EPB41L4A: variants seen among roughly 807,000 people sequenced by gnomAD.
The protein encoded by EPB41L4A is band 4.1-like protein 4A.
A neutral mutation model predicts 108.6 loss-of-function variants in EPB41L4A; 100 were observed. That is an observed-to-expected ratio of 0.92 (90% confidence interval 0.78 to 1.09). The LOEUF is 1.09. Ranked by LOEUF, EPB41L4A falls within the 50% of genes least tolerant of loss-of-function variation. The pLI is 0.00. For synonymous variants in EPB41L4A, 319 were observed against 289.0 expected (o/e 1.10, Z -1.05); for missense variants, 1,030 against 842.7 (o/e 1.22, Z -2.75).
chr5:112,351,407 G>C (rs1057292872), intron 1 of EPB41L4A, among the ~76,000 whole-genome samples: 1 of 152,154 alleles, frequency 6.6e-6, no homozygotes, highest in Non-Finnish European at 1.5e-5. Flanking sequence ...AACCCCCCAA[G>C]ACTGACGTAC....
intron 12 of EPB41L4A, among the ~76,000 whole-genome samples, chr5:112,148,721 A>AT (rs1247004428): frequency 2.6e-5 from 4 of 151,960 alleles, no homozygotes; most frequent in Non-Finnish European, 4.4e-5. Flanking sequence ...TTCTATCGTG[A>AT]TTTTTTCCAT....
rs1560058 is a variant in EPB41L4A, at chr5:112,184,043, T to C, written c.1595A>G (p.Asn532Ser). The C allele has an allele frequency of 0.7, 1,130,042 of 1,613,528 alleles. 400,058 individuals are homozygous for C. The highest frequency in any genetic ancestry group is 0.99 in the East Asian group (44,520 of 44,862). ...QKEKNQADPN[N>S]RRSRHRSRSR... ...ACGAGATCTGTGTCTGGATCGCCTGTTGTTGGGGTCGGCTTGGTTTTTTTC... is the reference window on the plus strand; with the variant it reads ...ACGAGATCTGTGTCTGGATCGCCTGCTGTTGGGGTCGGCTTGGTTTTTTTC... Residue 532 changes from asparagine to serine, a missense_variant, in exon 18 of 23, where the codon AAC (asparagine) becomes AGC (serine). By Grantham distance (46) the Asn-to-Ser change is conservative. Transcript: ENST00000261486.
chr5:112,240,630 A>G (rs1405122652), intron 10 of EPB41L4A, 89 bp downstream of exon 10: 1 of 718,638 alleles, frequency 1.4e-6, no homozygotes, highest in African/African-American at 1.9e-5. Flanking sequence ...AACAATTCCA[A>G]ATTTCTGTTT....
In EPB41L4A at chr5:112,259,945, G is replaced by T. The variant is rs778801105; in HGVS notation, c.677C>A (p.Thr226Asn). The T allele has an allele frequency of 6.2e-7, 1 of 1,614,020 alleles. No homozygotes were observed. Among genetic ancestry groups the T allele is most frequent in the South Asian group, 1.1e-5 (1 of 91,072 alleles). Residue 226 changes from threonine to asparagine, a missense_variant, in exon 8 of 23, where the codon ACT becomes AAT. Transcript: ENST00000261486. ...ENKSEYFLGL[T>N]PVGVVVYKNK... ...CTTGTACACAACAACACCAACCGGA[G>T]TTAATCCTAAGAAATACTCAGACTT...
At chr5:112,290,483 C>T (rs1377151652) in intron 2 of EPB41L4A, among the ~76,000 whole-genome samples, 2 of 152,124 alleles carry the variant, frequency 1.3e-5, no homozygotes, top group African/African-American at 4.8e-5. Context: ...TTTTAGGGAT[C>T]ACAGATTCCT....
At chr5:112,410,835 T>C (rs966549868) in intron 1 of EPB41L4A, among the ~76,000 whole-genome samples, 1 of 152,190 alleles carries the variant, frequency 6.6e-6, no homozygotes, top group Non-Finnish European at 1.5e-5. Context: ...ACTGTCTCTA[T>C]TACTATCCTA....
At chr5:112,338,724 G>A (rs950408416) in intron 1 of EPB41L4A, among the ~76,000 whole-genome samples, 3 of 152,182 alleles carry the variant, frequency 2.0e-5, no homozygotes, top group South Asian at 2.1e-4. Flanking sequence ...GAACAGGGTT[G>A]GAAAACTACA....
chr5:112,172,595 A>G (rs986657786), intron 18 of EPB41L4A, among the ~76,000 whole-genome samples: 4 of 151,934 alleles, frequency 2.6e-5, no homozygotes, highest in Non-Finnish European at 5.9e-5. Flanking sequence ...TGCCTTTCCT[A>G]CATTTGGTTG....
intron 9 of EPB41L4A, among the ~76,000 whole-genome samples, chr5:112,244,081 T>C (rs1356495394): frequency 6.6e-6 from 1 of 152,152 alleles, no homozygotes; most frequent in Non-Finnish European, 1.5e-5. Context: ...TTTCTAGCAT[T>C]TGATTTCAAA....
chr5:112,378,082 T>G (rs995497286), intron 1 of EPB41L4A, among the ~76,000 whole-genome samples: 67 of 152,282 alleles, frequency 4.4e-4, no homozygotes, highest in African/African-American at 1.5e-3. Context: ...GATATAAGGA[T>G]TCATGTTTCC....
At chr5:112,221,899 C>G (rs1304119923) in intron 12 of EPB41L4A, among the ~76,000 whole-genome samples, 1 of 152,186 alleles carries the variant, frequency 6.6e-6, no homozygotes, top group Non-Finnish European at 1.5e-5. Context: ...GAAAATCTAA[C>G]CAGACTCGCC....
intron 2 of EPB41L4A, among the ~76,000 whole-genome samples, chr5:112,296,446 C>T (rs1350494024): frequency 6.6e-6 from 1 of 151,832 alleles, no homozygotes; most frequent in African/African-American, 2.4e-5. Context: ...TAAAGAAAAA[C>T]CCAACTGAAT....
chr5:112,259,985 A>G lies in EPB41L4A; in HGVS notation c.643-6T>C. ...TACTCAGACTTGTTTTCTCCCTGCA[A>G]AAACAAACATATGCCTATAACCACA... On this transcript the variant is annotated splice_polypyrimidine_tract_variant and splice_region_variant and intron_variant, in intron 7 of 22. Transcript: ENST00000261486. 6.2e-7 allele frequency: 1 copy of G among 1,602,234 alleles called. No homozygotes were observed. Among genetic ancestry groups the G allele is most frequent in the Non-Finnish European group, 8.6e-7 (1 of 1,169,178 alleles).
At chr5:112,176,635 TC>T (rs1760877671) in intron 18 of EPB41L4A, among the ~76,000 whole-genome samples, 1 of 151,968 alleles carries the variant, frequency 6.6e-6, no homozygotes, top group Non-Finnish European at 1.5e-5. Flanking sequence ...ACCACCACCA[TC>T]TTTTCTGAGC....
At chr5:112,367,293 G>A (rs1386691652) in intron 1 of EPB41L4A, among the ~76,000 whole-genome samples, 1 of 152,144 alleles carries the variant, frequency 6.6e-6, no homozygotes, top group Non-Finnish European at 1.5e-5. Flanking sequence ...CTTGACAGAT[G>A]GAGAATAAAA....
At chr5:112,271,465 C>A (rs1423666694) in intron 4 of EPB41L4A, among the ~76,000 whole-genome samples, 3 of 152,180 alleles carry the variant, frequency 2.0e-5, no homozygotes, top group Non-Finnish European at 4.4e-5. Context: ...ATACTGTAAT[C>A]CCATTGCACG....
chr5:112,412,673 G>T (rs1316031420), intron 1 of EPB41L4A, among the ~76,000 whole-genome samples: 1 of 152,112 alleles, frequency 6.6e-6, no homozygotes, highest in South Asian at 2.1e-4. Context: ...AGAAACAAAC[G>T]GTGGTTAGTC....
At chr5:112,275,268 T>C (rs1752546892) in intron 4 of EPB41L4A, 58 bp downstream of exon 4, 1 of 1,486,260 alleles carries the variant, frequency 6.7e-7, no homozygotes, top group African/African-American at 1.4e-5. Flanking sequence ...TTGTTTTAAA[T>C]AAAGCTTTTT....
intron 15 of EPB41L4A, among the ~76,000 whole-genome samples, chr5:112,198,462 C>T (rs1375270452): frequency 6.6e-6 from 1 of 152,120 alleles, no homozygotes; most frequent in East Asian, 1.9e-4. Flanking sequence ...TATAATGAAC[C>T]TTCGAATGAA....
Sources: gnomAD v4.1 joint callset for allele counts (sites outside exome capture counted in the v4.1 genomes callset) on GRCh38, gnomAD v4.1.1 for gene constraint, MANE v1.5 for transcripts, NCBI Gene and HGNC (gene_info 2026-07-23, HGNC 2026-07-21) for gene names.